Variants in KCTD8 observed in about 807,000 individuals in gnomAD.
The protein encoded by KCTD8 is BTB/POZ domain-containing protein KCTD8.
In KCTD8, 27 loss-of-function variants were observed where a neutral mutation model predicts 31.5. The ratio of observed to expected loss-of-function variants is 0.86; its 90% CI spans 0.63 to 1.18. KCTD8 has a LOEUF of 1.18. KCTD8 is among the 50% of genes most tolerant of loss of function. KCTD8 has a pLI of 0.00. For synonymous variants in KCTD8, 290 were observed against 280.0 expected (o/e 1.04, Z -0.36); for missense variants, 658 against 647.7 (o/e 1.02, Z -0.17).
intron 1 of KCTD8, among the ~76,000 whole-genome samples, chr4:44,207,570 C>A (rs922694787): frequency 1.3e-5 from 2 of 152,204 alleles, no homozygotes; most frequent in African/African-American, 2.4e-5. Context: ...AGTCCCTGCA[C>A]ATTCATCTCC....
chr4:44,422,119 G>A (rs1225937416), intron 1 of KCTD8, among the ~76,000 whole-genome samples: 1 of 151,986 alleles, frequency 6.6e-6, no homozygotes, highest in Non-Finnish European at 1.5e-5. Context: ...ACCTTTAGCT[G>A]AAGATTTTGG....
At chr4:44,239,845 T>G (rs897003791) in intron 1 of KCTD8, among the ~76,000 whole-genome samples, 1 of 152,212 alleles carries the variant, frequency 6.6e-6, no homozygotes, top group Admixed American at 6.5e-5. Flanking sequence ...AGCTTGTAAC[T>G]TCATCTCTCA....
chr4:44,289,244 T>C (rs1381977950), intron 1 of KCTD8, among the ~76,000 whole-genome samples: 1 of 151,288 alleles, frequency 6.6e-6, no homozygotes, highest in African/African-American at 2.4e-5. Flanking sequence ...ATTAAAATGC[T>C]ATACTATTAA....
intron 1 of KCTD8, among the ~76,000 whole-genome samples, chr4:44,331,788 ATCTC>A (rs1282678612): frequency 2.0e-5 from 3 of 149,282 alleles, no homozygotes; most frequent in East Asian, 1.9e-4. Flanking sequence ...AATAATCCAC[ATCTC>A]TCTCTGTGTG....
chr4:44,286,340 T>C (rs1473739682), intron 1 of KCTD8, among the ~76,000 whole-genome samples: 1 of 152,118 alleles, frequency 6.6e-6, no homozygotes, highest in African/African-American at 2.4e-5. Context: ...GACCCCAAAT[T>C]TAATGTCTCT....
chr4:44,237,200 A>C, intron 1 of KCTD8, among the ~76,000 whole-genome samples: 1 of 152,178 alleles, frequency 6.6e-6, no homozygotes, highest in Non-Finnish European at 1.5e-5. Context: ...CTGCACTCCT[A>C]AAAGGAGCAA....
chr4:44,377,466 G>A (rs769433257), intron 1 of KCTD8, among the ~76,000 whole-genome samples: 1 of 152,182 alleles, frequency 6.6e-6, no homozygotes, highest in Non-Finnish European at 1.5e-5. Flanking sequence ...CCATTTCTGG[G>A]GGGTAGAATT....
At chr4:44,229,607 C>T (rs1022744440) in intron 1 of KCTD8, among the ~76,000 whole-genome samples, 2 of 152,150 alleles carry the variant, frequency 1.3e-5, no homozygotes, top group African/African-American at 4.8e-5. Context: ...GTCCTAGGAT[C>T]ATGGTTAAAT....
intron 1 of KCTD8, among the ~76,000 whole-genome samples, chr4:44,392,498 C>T (rs928124184): frequency 2.0e-5 from 3 of 151,904 alleles, no homozygotes; most frequent in African/African-American, 7.2e-5. Flanking sequence ...AAAGTCAAAA[C>T]TTATTTAAAA....
At chr4:44,342,145 G>A (rs1418726248) in intron 1 of KCTD8, among the ~76,000 whole-genome samples, 1 of 152,122 alleles carries the variant, frequency 6.6e-6, no homozygotes, top group East Asian at 1.9e-4. Flanking sequence ...GCCAAGGCAG[G>A]CAGATCACAA....
chr4:44,399,368 C>A (rs540497343), intron 1 of KCTD8, among the ~76,000 whole-genome samples: 1 of 151,874 alleles, frequency 6.6e-6, no homozygotes, highest in Admixed American at 6.6e-5. Context: ...ATGGAAGTAA[C>A]GCTGAAAAAA....
At chr4:44,347,049 A>G (rs558984375) in intron 1 of KCTD8, among the ~76,000 whole-genome samples, 2 of 152,274 alleles carry the variant, frequency 1.3e-5, no homozygotes, top group East Asian at 3.9e-4. Context: ...GGCCCACAAC[A>G]TCAAATACAG....
At chr4:44,342,169 AGACCATCCTG>A (rs1352549108) in intron 1 of KCTD8, among the ~76,000 whole-genome samples, 1 of 152,156 alleles carries the variant, frequency 6.6e-6, no homozygotes, top group Non-Finnish European at 1.5e-5. Context: ...CAGGAGATCG[AGACCATCCTG>A]GCTAACACGG....
intron 1 of KCTD8, among the ~76,000 whole-genome samples, chr4:44,248,692 A>C (rs1577574356): frequency 6.6e-6 from 1 of 151,934 alleles, no homozygotes; most frequent in African/African-American, 2.4e-5. Context: ...AGCAAATGTT[A>C]TCTGTGCCAT....
intron 1 of KCTD8, among the ~76,000 whole-genome samples, chr4:44,311,981 T>C (rs1238398422): frequency 6.6e-6 from 1 of 151,480 alleles, no homozygotes; most frequent in African/African-American, 2.4e-5. Flanking sequence ...AAATAAAGAA[T>C]CATAATTATT....
chr4:44,293,229 T>C (rs1402940112), intron 1 of KCTD8, among the ~76,000 whole-genome samples: 2 of 152,140 alleles, frequency 1.3e-5, no homozygotes, highest in Non-Finnish European at 2.9e-5. Flanking sequence ...TTGAAACCTA[T>C]TTTAAGAGGT....
At chr4:44,245,488 T>C (rs917177678) in intron 1 of KCTD8, among the ~76,000 whole-genome samples, 1 of 152,100 alleles carries the variant, frequency 6.6e-6, no homozygotes, top group Non-Finnish European at 1.5e-5. Context: ...ATGTAGATTC[T>C]TTTATGTGTT....
chr4:44,359,488 G>A (rs899378764), intron 1 of KCTD8, among the ~76,000 whole-genome samples: 19 of 152,028 alleles, frequency 1.2e-4, no homozygotes, highest in African/African-American at 4.3e-4. Flanking sequence ...ATATACCTTA[G>A]CGACAGAGAA....
At chr4:44,309,632 T>C in intron 1 of KCTD8, among the ~76,000 whole-genome samples, 1 of 152,130 alleles carries the variant, frequency 6.6e-6, no homozygotes. Context: ...TTCAAAAAGG[T>C]GTATGAACAT....
Sources: allele counts gnomAD v4.1 joint callset (sites outside exome capture counted in the v4.1 genomes callset), GRCh38; gene constraint gnomAD v4.1.1; transcripts MANE v1.5; gene names NCBI Gene and HGNC (gene_info 2026-07-23, HGNC 2026-07-21).